Variants in CFAP54 observed in about 807,000 individuals in gnomAD.
CFAP54 encodes cilia and flagella associated protein 54.
Under a neutral mutation model 370.4 loss-of-function variants are expected in CFAP54, and 290 were observed. The ratio of observed to expected loss-of-function variants is 0.78; its 90% confidence interval spans 0.71 to 0.86. CFAP54 has a LOEUF of 0.86. CFAP54 is among the 40% of genes least tolerant of loss of function. CFAP54 has a pLI of 0.00. For missense variants in CFAP54, 3,399 were observed against 3,528.7 expected, an observed-to-expected ratio of 0.96 and a Z score of 0.93; for synonymous variants, 1,206 against 1,236.5, an observed-to-expected ratio of 0.98 and a Z score of 0.52.
At chr12:96,539,064 G>GGTTT (rs1555229705) in intron 13 of CFAP54, among the ~76,000 whole-genome samples, 3 of 111,832 alleles carry the variant, frequency 2.7e-5, no homozygotes, top group African/African-American at 7.1e-5. Flanking sequence ...GCCTTTTCAG[G>GGTTT]TTTTTTTTTT....
intron 43 of CFAP54, among the ~76,000 whole-genome samples, chr12:96,689,407 C>T (rs1400807173): frequency 2.0e-5 from 3 of 152,250 alleles, no homozygotes; most frequent in East Asian, 1.9e-4. Context: ...GTGATCCACC[C>T]GTCTTGGCCT....
chr12:96,700,970 A>G (rs2136578568), intron 46 of CFAP54, among the ~76,000 whole-genome samples: 1 of 152,252 alleles, frequency 6.6e-6, no homozygotes, highest in East Asian at 1.9e-4. Context: ...CTGACATTAT[A>G]TTTGCATATA....
chr12:96,868,485 T>G (rs1440162948), intron 67 of CFAP54, among the ~76,000 whole-genome samples: 1 of 151,576 alleles, frequency 6.6e-6, no homozygotes, highest in African/African-American at 2.4e-5. Context: ...ATACAAACTG[T>G]TTTTATATAT....
chr12:96,726,118 G>A (rs1957831500), intron 50 of CFAP54, among the ~76,000 whole-genome samples: 3 of 150,376 alleles, frequency 2.0e-5, no homozygotes, highest in Non-Finnish European at 4.4e-5. Context: ...GTTCATCAGG[G>A]ATATTGGTCT....
chr12:96,778,646 A>G (rs1047555487), intron 60 of CFAP54, among the ~76,000 whole-genome samples: 2 of 152,204 alleles, frequency 1.3e-5, no homozygotes, highest in Non-Finnish European at 2.9e-5. Flanking sequence ...TTTACTGAAA[A>G]TGGAATTTGT....
rs962620210 is a variant in CFAP54 at position 96,651,706 on chromosome 12, T to A, written c.4991T>A (p.Phe1664Tyr). The A allele has an allele frequency of 7.4e-6, 12 of 1,613,856 alleles. No individual in the cohort carries two copies. In the African/African-American group the frequency reaches 8.0e-5, roughly 11 times the overall value. The change falls in exon 36 of 68, where the codon TTT (phenylalanine) becomes TAT (tyrosine). Residue 1664 changes from phenylalanine (F) to tyrosine (Y), a missense_variant. This residue lies in a region of CFAP54 where 2,796 missense variants were observed against 2,869.7 expected (regional missense o/e 0.97). Coordinates refer to ENST00000524981, the MANE Select transcript of CFAP54 (RefSeq NM_001306084.2). ...LKQAVDLDKTFPISQDGFLCT... is the reference protein window; with the variant it reads ...LKQAVDLDKTYPISQDGFLCT... ...CAGGCAGTGGATCTTGATAAAACAT[T>A]TCCTATTAGCCAAGATGGTTTCCTC...
chr12:96,671,780 G>A (rs1957149117), intron 39 of CFAP54, among the ~76,000 whole-genome samples: 1 of 152,130 alleles, frequency 6.6e-6, no homozygotes, highest in South Asian at 2.1e-4. Context: ...AACTTAGCTG[G>A]GCGTGGTGGC....
At chr12:96,591,755 G>A (rs144596225) in intron 23 of CFAP54, among the ~76,000 whole-genome samples, 24 of 150,074 alleles carry the variant, frequency 1.6e-4, no homozygotes, top group East Asian at 5.9e-4. Context: ...GCCGGGCATG[G>A]TGGCGCGTGC....
intron 39 of CFAP54, among the ~76,000 whole-genome samples, chr12:96,666,011 G>A (rs551233139): frequency 2.0e-5 from 3 of 152,094 alleles, no homozygotes; most frequent in East Asian, 3.9e-4. Flanking sequence ...GTGGTTTGTG[G>A]TTCTTTTAGA....
At chr12:96,540,529 A>G (rs1010705812) in intron 13 of CFAP54, among the ~76,000 whole-genome samples, 8 of 152,256 alleles carry the variant, frequency 5.3e-5, no homozygotes, top group African/African-American at 1.9e-4. Flanking sequence ...TACAGATACT[A>G]TTCACTGATA....
chr12:96,682,029 A>T, intron 40 of CFAP54: 1 of 393,858 alleles, frequency 2.5e-6, no homozygotes, highest in Non-Finnish European at 3.5e-6. Context: ...TGTCTCAGCT[A>T]TATACAAAAT....
chr12:96,837,359 A>G (rs770833795), intron 66 of CFAP54, among the ~76,000 whole-genome samples: 3 of 152,204 alleles, frequency 2.0e-5, no homozygotes, highest in Non-Finnish European at 4.4e-5. Flanking sequence ...CTTATCTGGT[A>G]CTGAGTTATC....
At position 96,576,610 on chromosome 12, in the gene CFAP54, T is replaced by G; in HGVS notation, c.2645T>G (p.Ile882Ser). 1 of 1,533,754 alleles carries G rather than the reference T, an allele frequency of 6.5e-7. No homozygotes were observed. Among genetic ancestry groups the G allele is most frequent in the Non-Finnish European group, 8.7e-7 (1 of 1,145,148 alleles). The change falls in exon 20 of 68, where the codon ATT becomes AGT. Residue 882 changes from isoleucine (I) to serine (S), a missense_variant. Around this residue, in one of 3 missense-constraint regions of CFAP54, gnomAD observed 2,796 missense variants for 2,869.7 expected, o/e 0.97. Coordinates refer to ENST00000524981, the MANE Select transcript of CFAP54 (RefSeq NM_001306084.2). ...GAAGCATATTCCTTAATTCAGAGGA[T>G]TGAAGCTGAACAAAATGCCCTATAT... ...LMEAYSLIQR[I>S]EAEQNALYSY...
intron 50 of CFAP54, among the ~76,000 whole-genome samples, chr12:96,735,423 C>T (rs765177120): frequency 6.6e-6 from 1 of 152,142 alleles, no homozygotes; most frequent in Non-Finnish European, 1.5e-5. Flanking sequence ...TCGGCAGATA[C>T]CCTAACACTG....
chr12:96,518,780 T>C (rs1219824457), intron 5 of CFAP54, 148 bp from the exon 6 acceptor site: 2 of 680,488 alleles, frequency 2.9e-6, no homozygotes, highest in African/African-American at 3.7e-5. Context: ...TTTTAAATGC[T>C]TGTTTCTTCT....
intron 1 of CFAP54, 35 bp from the exon 2 acceptor site, chr12:96,500,799 T>C: frequency 6.9e-7 from 1 of 1,454,850 alleles, no homozygotes; most frequent in Admixed American, 2.1e-5. Context: ...TCCTGCAGAC[T>C]TTGACAATGT....
Position 96,490,051 on chromosome 12 carries a change from G to T in CFAP54, c.317+125G>T, listed in dbSNP as rs797017478. On this transcript the variant is annotated intron_variant, in intron 1 of 67. Transcript: ENST00000524981. ...TGCGGACGCAGGGGCTGGCTGAAGG[G>T]CCCAGGAGAGACAAAGTTTAAGAAG... 9.7e-6 allele frequency: 8 copies of T among 825,286 alleles called. No individual in the cohort carries two copies. In the African/African-American group the frequency reaches 1.4e-4, roughly 14 times the overall value. 51.1% of individuals were successfully genotyped at this position (825,286 alleles called of 1,614,324 possible). A position where few individuals can be genotyped will look rare whatever the true frequency, so the allele number is the denominator to read the frequency against.
At chr12:96,555,563 C>T (rs1003381576) in intron 17 of CFAP54, among the ~76,000 whole-genome samples, 21 of 146,282 alleles carry the variant, frequency 1.4e-4, no homozygotes, top group African/African-American at 5.2e-4. Context: ...ATATATAATA[C>T]ATAATATATA....
intron 33 of CFAP54, among the ~76,000 whole-genome samples, chr12:96,647,516 A>G (rs1164872854): frequency 7.0e-6 from 1 of 141,890 alleles, no homozygotes; most frequent in East Asian, 2.2e-4. Flanking sequence ...TTGATTATGG[A>G]CACATTACTA....
Sources: allele counts gnomAD v4.1 joint callset (sites outside exome capture counted in the v4.1 genomes callset), GRCh38; gene constraint gnomAD v4.1.1; regional missense constraint gnomAD v4.1.1; transcripts MANE v1.5; gene names NCBI Gene and HGNC (gene_info 2026-07-23, HGNC 2026-07-21).